CRX: variants seen among roughly 807,000 people sequenced by gnomAD.
CRX encodes cone-rod homeobox.
In CRX, 5 loss-of-function variants were observed where a neutral mutation model predicts 13.1. That is an observed-to-expected ratio of 0.38 (90% CI 0.20 to 0.80). The LOEUF (loss-of-function observed/expected upper bound fraction) is 0.80. Ranked by LOEUF, CRX falls within the 30% of genes least tolerant of loss-of-function variation. The pLI is 0.43. For missense variants in CRX, 351 were observed against 391.8 expected, an observed-to-expected ratio of 0.90 and a Z score of 0.88; for synonymous variants, 179 against 171.1, an observed-to-expected ratio of 1.05 and a Z score of -0.36.
At position 47,832,466 on chromosome 19, in the gene CRX, T is replaced by C. The variant is rs181557676; in HGVS notation, c.-35-1943T>C. ...AGGAGAGTTTCGCTATGTTGCCACC[T>C]GAACATAAATGCTATTTTCTTTTTC... On this transcript the variant is annotated intron_variant, in intron 1 of 3. Coordinates refer to ENST00000221996, the MANE Select transcript of CRX (RefSeq NM_000554.6). 5.5e-3 allele frequency among the ~76,000 whole-genome samples: 840 copies of C among 152,158 alleles called. 8 individuals carry two copies. Among genetic ancestry groups the C allele is most frequent in the African/African-American group, 0.019 (795 of 41,506 alleles).
Position 47,839,370 on chromosome 19 carries a change from G to C in CRX, c.303G>C (p.Gln101His). 1 of 1,613,626 alleles carries C rather than the reference G, an allele frequency of 6.2e-7. No homozygotes were observed. Among genetic ancestry groups the C allele is most frequent in the East Asian group, 2.2e-5 (1 of 44,876 alleles). Residue 101 changes from glutamine (Q) to histidine (H), a missense_variant, in exon 4 of 4, where the codon CAG (glutamine) becomes CAC (histidine). Physicochemically the swap from Gln to His is conservative, Grantham distance 24 (BLOSUM62 0). Around this residue, in one of 3 missense-constraint regions of CRX, gnomAD observed 253 missense variants for 268.3 expected, o/e 0.94. Coordinates refer to ENST00000221996, the MANE Select transcript of CRX (RefSeq NM_000554.6). The surrounding 1 kb of genome is among the most constrained non-coding windows in gnomAD (Gnocchi z 4.6). Reference protein sequence around the residue: ...RAKCRQQRQQQKQQQQPPGGQ... With the variant: ...RAKCRQQRQQHKQQQQPPGGQ... ...AATGCAGGCAGCAGCGACAGCAGCA[G>C]AAACAGCAGCAGCAGCCCCCAGGGG...
In CRX at chr19:47,834,486, G is replaced by C. The variant is rs559181643; in HGVS notation, c.43G>C (p.Ala15Pro). Residue 15 changes from alanine to proline, a missense_variant, in exon 2 of 4, where the codon GCC (alanine) becomes CCC (proline). This residue lies in a region of CRX where 95 missense variants were observed against 106.7 expected (regional missense o/e 0.89). Coordinates refer to ENST00000221996, the MANE Select transcript of CRX (RefSeq NM_000554.6). ...MNPGPHYSVN[A>P]LALSGPSVDL... ...CCCGGGGCCCCACTATTCTGTCAAC[G>C]CCTTGGCCCTAAGTGGCCCCAGTGT... 25 of 1,613,998 alleles carry C rather than the reference G, an allele frequency of 1.5e-5. No individual in the cohort carries two copies. Among genetic ancestry groups the C allele is most frequent in the Non-Finnish European group, 2.0e-5 (24 of 1,180,040 alleles).
chr19:47,837,932 GTGTA>G (rs1968138625), intron 3 of CRX, among the ~76,000 whole-genome samples: 1 of 145,900 alleles, frequency 6.9e-6, no homozygotes, highest in African/African-American at 2.5e-5. Flanking sequence ...TGTGTGTATG[GTGTA>G]TGTATGTATA....
At chr19:47,831,473 A>T (rs1028364182) in intron 1 of CRX, among the ~76,000 whole-genome samples, 1 of 152,038 alleles carries the variant, frequency 6.6e-6, no homozygotes, top group Non-Finnish European at 1.5e-5. Context: ...GTGGCTCTAG[A>T]CTCTCACAGG....
chr19:47,831,503 A>G (rs1968045407), intron 1 of CRX, among the ~76,000 whole-genome samples: 1 of 152,000 alleles, frequency 6.6e-6, no homozygotes, highest in South Asian at 2.1e-4. Context: ...CCTATTGTGA[A>G]CTGCACGTGC....
intron 1 of CRX, among the ~76,000 whole-genome samples, chr19:47,833,337 G>A (rs1173442452): frequency 2.0e-5 from 3 of 151,052 alleles, no homozygotes; most frequent in South Asian, 2.1e-4. Context: ...GCTGGAGTGC[G>A]GTGGTGCGAT....
At chr19:47,829,783 C>T (rs1001582950) in intron 1 of CRX, among the ~76,000 whole-genome samples, 3 of 149,670 alleles carry the variant, frequency 2.0e-5, no homozygotes, top group Non-Finnish European at 4.4e-5. Flanking sequence ...GTGCGGACCA[C>T]CATGCCTGAC....
At chr19:47,825,155 T>G (rs1165804638) in intron 1 of CRX, among the ~76,000 whole-genome samples, 1 of 151,856 alleles carries the variant, frequency 6.6e-6, no homozygotes, top group Admixed American at 6.6e-5. Flanking sequence ...AATTTTTGTA[T>G]TTTTAGTAGA....
At chr19:47,837,463 G>A (rs533292939) in intron 3 of CRX, among the ~76,000 whole-genome samples, 15 of 152,316 alleles carry the variant, frequency 9.8e-5, no homozygotes, top group African/African-American at 2.6e-4. Context: ...CACCGCGCCC[G>A]GCCGGATGGG....
In CRX at chr19:47,840,171, G is replaced by T. The variant is rs1265245856; in HGVS notation, c.*204G>T. On this transcript the variant is annotated 3_prime_UTR_variant, in exon 4 of 4. Coordinates refer to ENST00000221996, the MANE Select transcript of CRX (RefSeq NM_000554.6). ...CCTCCCTCTCCTGGGACAGCTCACA[G>T]GTCCTAGTGATTCTCTCAACCCTAA... is the stretch of plus-strand genomic sequence containing the variant. 3.3e-6 allele frequency: 2 copies of T among 604,110 alleles called. No individual in the cohort carries two copies. The highest frequency in any genetic ancestry group is 3.7e-5 in the African/African-American group (2 of 53,936). The allele number at this position is 604,110 out of a possible 1,614,324, so 37.4% of individuals were successfully genotyped here. A position where few individuals can be genotyped will look rare whatever the true frequency, so the allele number is the denominator to read the frequency against.
At chr19:47,838,947 G>A (rs868310329) in intron 3 of CRX, among the ~76,000 whole-genome samples, 1 of 151,730 alleles carries the variant, frequency 6.6e-6, no homozygotes, top group African/African-American at 2.4e-5. Flanking sequence ...ATAACTGTAC[G>A]TGTGCATGTT....
chr19:47,827,879 C>A (rs1265558140), intron 1 of CRX, among the ~76,000 whole-genome samples: 1 of 105,656 alleles, frequency 9.5e-6, no homozygotes, highest in Non-Finnish European at 1.8e-5. Flanking sequence ...AAAGGCAGGG[C>A]GTGGTGGCTC....
intron 3 of CRX, among the ~76,000 whole-genome samples, chr19:47,836,759 A>G (rs1460670699): frequency 6.6e-6 from 1 of 152,222 alleles, no homozygotes; most frequent in Non-Finnish European, 1.5e-5. Flanking sequence ...TTAAAATTGC[A>G]TATGATTTAC....
At chr19:47,822,293 C>T (rs1967921802) in intron 1 of CRX, among the ~76,000 whole-genome samples, 1 of 152,142 alleles carries the variant, frequency 6.6e-6, no homozygotes, top group Non-Finnish European at 1.5e-5. Context: ...CCCCTCAAGC[C>T]CTGACGGCAT....
intron 1 of CRX, among the ~76,000 whole-genome samples, chr19:47,833,701 A>C (rs3760818): frequency 1.3e-5 from 2 of 152,066 alleles, no homozygotes; most frequent in East Asian, 3.9e-4. Flanking sequence ...CTCTCCTCCA[A>C]CCTGGGCAAA....
chr19:47,840,683 G>C lies in CRX; in HGVS notation c.*716G>C, dbSNP rs1302183175. On this transcript the variant is annotated 3_prime_UTR_variant, in exon 4 of 4. Transcript: ENST00000221996. ...CTCCCAAAGTGCTAGGATTACAGGC[G>C]TGAGCCACCGCGCCCGGCCCTTTTT... is the stretch of plus-strand genomic sequence containing the variant. The C allele has an allele frequency of 7.0e-6, 1 of 143,736 alleles. No individual in the cohort carries two copies. Among genetic ancestry groups the C allele is most frequent in the South Asian group, 2.2e-4 (1 of 4,508 alleles). The allele number at this position is 143,736 out of a possible 1,614,324, so 8.9% of individuals were successfully genotyped here. A position where few individuals can be genotyped will look rare whatever the true frequency, so the allele number is the denominator to read the frequency against.
intron 1 of CRX, 121 bp from the exon 2 acceptor site, chr19:47,834,287 AG>A: frequency 2.9e-6 from 2 of 691,906 alleles, no homozygotes; most frequent in Non-Finnish European, 5.3e-6. Context: ...CAGAGAGGTG[AG>A]ATAAATGGCC....
intron 1 of CRX, among the ~76,000 whole-genome samples, chr19:47,832,941 C>T (rs1254392092): frequency 1.1e-4 from 16 of 152,092 alleles, no homozygotes; most frequent in Admixed American, 5.2e-4. Context: ...TGCCTTTCCC[C>T]ACACTGACAC....
At chr19:47,835,230 T>A (rs11667504) in intron 2 of CRX, among the ~76,000 whole-genome samples, 32,106 of 149,242 alleles carry the variant, frequency 0.22, 3,470 homozygotes, top group African/African-American at 0.24. Flanking sequence ...TATTATTATT[T>A]TTTTTTTTGT....
Sources: gnomAD v4.1 joint callset for allele counts (sites outside exome capture counted in the v4.1 genomes callset) on GRCh38, gnomAD v4.1.1 for gene constraint, gnomAD v4.1.1 regional missense constraint, Gnocchi (gnomAD v3.1) non-coding constraint, MANE v1.5 for transcripts, NCBI Gene and HGNC (gene_info 2026-07-23, HGNC 2026-07-21) for gene names.